The following NUP58 variants were observed in gnomAD, a reference collection of about 807,000 sequenced individuals.
NUP58 encodes nucleoporin p58/p45.
In NUP58, 17 loss-of-function variants were observed where a neutral mutation model predicts 70.1. The ratio of observed to expected loss-of-function variants is 0.24; its 90% confidence interval spans 0.17 to 0.36. NUP58 has a LOEUF of 0.36. Among genes scored for constraint, NUP58 ranks in the 10% least tolerant of loss-of-function variants. The pLI, the probability that NUP58 is intolerant of heterozygous loss-of-function variation, is 1.00. For synonymous variants in NUP58, 275 were observed against 257.6 expected (o/e 1.07, Z -0.65); for missense variants, 644 against 701.5 (o/e 0.92, Z 0.93).
intron 13 of NUP58, chr13:25,334,296 A>G: frequency 1.0e-6 from 1 of 985,394 alleles, no homozygotes; most frequent in Non-Finnish European, 1.2e-6. Flanking sequence ...TAGGTTTTTT[A>G]GCAATGTATC....
chr13:25,319,568 A>G lies in NUP58; in HGVS notation c.710+218A>G, dbSNP rs140502953. Among the ~76,000 whole-genome samples, 424 of 152,018 alleles carry G rather than the reference A, an allele frequency of 2.8e-3. 3 individuals are homozygous for G. Among genetic ancestry groups the G allele is most frequent in the African/African-American group, 9.8e-3 (405 of 41,376 alleles). Reference sequence around the variant, plus strand: ...TTAGTCATTAAGAAAATTTAAAACTATTTCTGGAAAGGTGTTTGGTATTTC... The same window carrying G: ...TTAGTCATTAAGAAAATTTAAAACTGTTTCTGGAAAGGTGTTTGGTATTTC... On this transcript the variant is annotated intron_variant, in intron 7 of 15. Transcript: ENST00000381736.
At chr13:25,309,943 A>T (rs185555016) in intron 3 of NUP58, 7 of 312,930 alleles carry the variant, frequency 2.2e-5, no homozygotes, top group African/African-American at 1.3e-4. Flanking sequence ...TTTGGATGCT[A>T]CACCTGTTAT....
At chr13:25,344,107 C>A (rs370152034), downstream of NUP58, among the ~76,000 whole-genome samples, 6 of 152,076 alleles carry the variant, frequency 3.9e-5, no homozygotes, top group African/African-American at 1.4e-4. Flanking sequence ...TGAGGTCAAC[C>A]TTTTTAATAT....
At chr13:25,329,750 A>G (rs2031536734) in intron 12 of NUP58, among the ~76,000 whole-genome samples, 1 of 152,200 alleles carries the variant, frequency 6.6e-6, no homozygotes, top group Non-Finnish European at 1.5e-5. Flanking sequence ...CAGGAACATT[A>G]ACACATTTGG....
downstream of NUP58, among the ~76,000 whole-genome samples, chr13:25,343,806 T>TATATATATATATATATATACAC (rs1491093040): frequency 3.5e-4 from 10 of 28,696 alleles, no homozygotes; most frequent in African/African-American, 1.9e-3. Context: ...CATATATATG[T>TATATATATATATATATATACAC]ATATATATAT....
chr13:25,317,084 C>G (rs2137758800), intron 6 of NUP58, among the ~76,000 whole-genome samples: 1 of 152,040 alleles, frequency 6.6e-6, no homozygotes, highest in African/African-American at 2.4e-5. Flanking sequence ...TATCAGTTAG[C>G]TTGGGCCCTG....
At chr13:25,336,199 C>G (rs1230270891) in intron 13 of NUP58, 1 of 1,366,350 alleles carries the variant, frequency 7.3e-7, no homozygotes, top group Non-Finnish European at 9.8e-7. Flanking sequence ...ATGTTCATTA[C>G]TTTATTTAAT....
Position 25,321,106 on chromosome 13 carries a change from A to T in NUP58, c.951+13A>T, listed in dbSNP as rs1328011954. Reference sequence around the variant, plus strand: ...AGAAACTGCTCAGGTATACCAACTTATGGCCATTTTACCGTAGGGTTTTTT... The same window carrying T: ...AGAAACTGCTCAGGTATACCAACTTTTGGCCATTTTACCGTAGGGTTTTTT... On this transcript the variant is annotated intron_variant, in intron 9 of 15. Coordinates refer to ENST00000381736, the MANE Select transcript of NUP58 (RefSeq NM_014089.4). 6.4e-7 allele frequency: 1 copy of T among 1,556,348 alleles called. No individual in the cohort carries two copies. The highest frequency in any genetic ancestry group is 1.4e-5 in the African/African-American group (1 of 71,162).
intron 11 of NUP58, among the ~76,000 whole-genome samples, 168 bp downstream of exon 11, chr13:25,327,202 G>T (rs1382325251): frequency 2.6e-5 from 4 of 152,106 alleles, no homozygotes; most frequent in Non-Finnish European, 5.9e-5. Context: ...TTTATTATAT[G>T]AATTGTTACT....
At chr13:25,322,597 A>G (rs1566064817) in intron 9 of NUP58, among the ~76,000 whole-genome samples, 2 of 152,230 alleles carry the variant, frequency 1.3e-5, no homozygotes, top group African/African-American at 2.4e-5. Context: ...AAAATTGTAT[A>G]CAGTTACTTT....
intron 3 of NUP58, chr13:25,309,923 ACTTT>A (rs763114146): frequency 2.3e-4 from 56 of 242,592 alleles, no homozygotes; most frequent in Middle Eastern, 1.3e-3. Flanking sequence ...GGATTGGCAG[ACTTT>A]CTTCATTTGG....
rs1461684333 is a variant in NUP58 at position 25,336,173 on chromosome 13, A to G, written c.1436-763A>G. The G allele has an allele frequency of 2.9e-6, 4 of 1,363,116 alleles. No homozygotes were observed. The South Asian group carries it at 4.6e-5, about 16-fold the overall frequency. The allele number at this position is 1,363,116 out of a possible 1,614,324, so 84.4% of individuals were successfully genotyped here. On this transcript the variant is annotated intron_variant, in intron 13 of 15. Coordinates refer to ENST00000381736, the MANE Select transcript of NUP58 (RefSeq NM_014089.4). ...ATGTATTGAATCTGTCAAGGTACAC[A>G]GCGGTGCCTTTGTAAATGTTCATTA...
At position 25,331,404 on chromosome 13, in the gene NUP58, T is replaced by A; in HGVS notation, c.1281T>A (p.Asp427Glu). 2.5e-6 allele frequency: 4 copies of A among 1,614,186 alleles called. No homozygotes were observed. The African/African-American group carries it at 4.0e-5, about 16-fold the overall frequency. ...GCTACAGGAAAATGTTCTTGGGAGA[T>A]GCTGTTGATGTGTTTGAAACAAGGC... The part of the protein sequence containing the change: ...YLGYRKMFLG[D>E]AVDVFETRRA... Residue 427 changes from aspartate to glutamate, a missense_variant, in exon 13 of 16, where the codon GAT becomes GAA. Around this residue, in one of 4 missense-constraint regions of NUP58, gnomAD observed 78 missense variants for 71.3 expected, o/e 1.09. Coordinates refer to ENST00000381736, the MANE Select transcript of NUP58 (RefSeq NM_014089.4).
chr13:25,317,776 A>G (rs572658811), intron 6 of NUP58: 2 of 152,304 alleles, frequency 1.3e-5, no homozygotes, highest in South Asian at 4.1e-4. Context: ...ATGGAAACAT[A>G]AATTACAGTT....
chr13:25,338,827 C>A, intron 15 of NUP58, 96 bp downstream of exon 15: 1 of 985,112 alleles, frequency 1.0e-6, no homozygotes, highest in South Asian at 1.5e-5. Flanking sequence ...CCAAAAAGTT[C>A]CCTCCCTGAT....
chr13:25,309,764 T>A (rs562774781), intron 3 of NUP58, among the ~76,000 whole-genome samples: 1 of 152,174 alleles, frequency 6.6e-6, no homozygotes, highest in Non-Finnish European at 1.5e-5. Context: ...TTCAGCCAGC[T>A]TTCAATCTGG....
intron 13 of NUP58, chr13:25,335,193 C>T: frequency 2.0e-6 from 2 of 984,978 alleles, no homozygotes; most frequent in Non-Finnish European, 2.4e-6. Context: ...ATCTGATGTG[C>T]AATGGAAAGT....
In NUP58 at chr13:25,312,943, C is replaced by G. The variant is rs775398750; in HGVS notation, c.347C>G (p.Ala116Gly). 1.2e-6 allele frequency: 2 copies of G among 1,614,052 alleles called. No homozygotes were observed. The highest frequency in any genetic ancestry group is 2.2e-5 in the East Asian group (1 of 44,876). Residue 116 changes from alanine (A) to glycine (G), a missense_variant, in exon 4 of 16, where the codon GCA (alanine) becomes GGA (glycine). Transcript: ENST00000381736. ...TTCAGTTTAGGATTCAATAAACCTG[C>G]AGCATCTGCCACACCATTTGCTCTA... ...TGFSLGFNKP[A>G]ASATPFALPI...
At chr13:25,319,718 A>G (rs1409419144) in intron 7 of NUP58, among the ~76,000 whole-genome samples, 1 of 152,082 alleles carries the variant, frequency 6.6e-6, no homozygotes, top group African/African-American at 2.4e-5. Flanking sequence ...GTCTCGTTTT[A>G]TGTCCTGGTG....
Sources: gnomAD v4.1 joint callset for allele counts (sites outside exome capture counted in the v4.1 genomes callset) on GRCh38, gnomAD v4.1.1 for gene constraint, gnomAD v4.1.1 regional missense constraint, MANE v1.5 for transcripts, NCBI Gene and HGNC (gene_info 2026-07-23, HGNC 2026-07-21) for gene names.